Variants in C12orf42 observed in about 807,000 individuals in gnomAD.
C12orf42 encodes uncharacterized protein C12orf42.
Under a neutral mutation model 21.6 loss-of-function variants are expected in C12orf42, and 25 were observed. That is an observed-to-expected ratio of 1.16 (90% CI 0.84 to 1.62). The LOEUF is 1.62. C12orf42 is among the 40% of genes most tolerant of loss of function. The pLI is 0.00. For synonymous variants in C12orf42, 174 were observed against 175.0 expected (o/e 0.99, Z 0.05); for missense variants, 483 against 459.3 (o/e 1.05, Z -0.47).
chr12:103,112,852 A>C, the C12orf42 span, among the ~76,000 whole-genome samples: 1 of 152,088 alleles, frequency 6.6e-6, no homozygotes, highest in Non-Finnish European at 1.5e-5. Flanking sequence ...ATCCCATAGC[A>C]TTCACTGCAT....
At position 103,478,271 on chromosome 12, in the gene C12orf42, A is replaced by T. The variant is rs180897436; in HGVS notation, c.78+78T>A. Reference sequence around the variant, plus strand: ...TAATATCAATGACACTGAATCAAGAATCACAATTAGTGGCTGAAATGGAGC... The same window carrying T: ...TAATATCAATGACACTGAATCAAGATTCACAATTAGTGGCTGAAATGGAGC... On this transcript the variant is annotated intron_variant, in intron 2 of 5. Coordinates refer to ENST00000548883, the MANE Select transcript of C12orf42 (RefSeq NM_198521.5). 6.8e-6 allele frequency: 6 copies of T among 881,780 alleles called. No homozygotes were observed. The East Asian group carries it at 1.6e-4, about 24-fold the overall frequency. The allele number at this position is 881,780 out of a possible 1,614,324, so 54.6% of individuals were successfully genotyped here. A position where few individuals can be genotyped will look rare whatever the true frequency, so the allele number is the denominator to read the frequency against.
chr12:103,522,869 G>A, the C12orf42 span, among the ~76,000 whole-genome samples: 5 of 152,336 alleles, frequency 3.3e-5, no homozygotes, highest in East Asian at 9.6e-4. Flanking sequence ...AAATTACACA[G>A]GGGAGCCAAA....
At chr12:103,109,164 G>T in the C12orf42 span, among the ~76,000 whole-genome samples, 1 of 152,060 alleles carries the variant, frequency 6.6e-6, no homozygotes, top group African/African-American at 2.4e-5. Context: ...GAATTAGGAG[G>T]GGAAATTTTC....
At chr12:103,358,915 A>G (rs1295763375) in intron 4 of C12orf42, among the ~76,000 whole-genome samples, 2 of 152,092 alleles carry the variant, frequency 1.3e-5, no homozygotes, top group Non-Finnish European at 2.9e-5. Flanking sequence ...AATCTTGAAT[A>G]ATCTCCCACT....
chr12:103,143,246 G>C, the C12orf42 span, among the ~76,000 whole-genome samples: 1 of 152,216 alleles, frequency 6.6e-6, no homozygotes, highest in Admixed American at 6.5e-5. Context: ...CCTGACCCAT[G>C]AAAGGAGGCG....
chr12:103,303,121 T>TCA (rs1314818631), intron 5 of C12orf42, among the ~76,000 whole-genome samples: 2 of 152,148 alleles, frequency 1.3e-5, no homozygotes, highest in African/African-American at 4.8e-5. Context: ...TGGGTCTACA[T>TCA]CACACACACA....
intron 4 of C12orf42, among the ~76,000 whole-genome samples, chr12:103,364,960 A>C (rs1436853204): frequency 1.3e-5 from 2 of 152,086 alleles, no homozygotes; most frequent in Non-Finnish European, 2.9e-5. Flanking sequence ...GAAAGAGGGA[A>C]TCCTCCCTAA....
At chr12:103,430,365 C>T (rs1435225985) in intron 2 of C12orf42, among the ~76,000 whole-genome samples, 1 of 152,170 alleles carries the variant, frequency 6.6e-6, no homozygotes, top group Admixed American at 6.5e-5. Context: ...TGAAGAAAAG[C>T]TCATCATCAT....
chr12:103,553,123 C>G, the C12orf42 span, among the ~76,000 whole-genome samples: 1 of 152,102 alleles, frequency 6.6e-6, no homozygotes, highest in South Asian at 2.1e-4. Flanking sequence ...GGGGGCTGTC[C>G]TGTGCATTGC....
At chr12:103,294,622 A>AAG (rs377621259) in intron 4 of C12orf42, among the ~76,000 whole-genome samples, 5 of 139,490 alleles carry the variant, frequency 3.6e-5, no homozygotes, top group African/African-American at 6.1e-5. Context: ...GAAAGAAAGA[A>AAG]AGAAAGAAAG....
intron 2 of C12orf42, among the ~76,000 whole-genome samples, chr12:103,433,558 T>C (rs1950426425): frequency 6.6e-6 from 1 of 152,180 alleles, no homozygotes; most frequent in South Asian, 2.1e-4. Context: ...TACCCATTTG[T>C]AAAATGACAG....
At chr12:103,524,017 A>C in the C12orf42 span, among the ~76,000 whole-genome samples, 9 of 152,152 alleles carry the variant, frequency 5.9e-5, no homozygotes, top group Non-Finnish European at 7.3e-5. Flanking sequence ...GTCATTATCC[A>C]ACCCTTGCTC....
intron 4 of C12orf42, among the ~76,000 whole-genome samples, chr12:103,317,234 T>C (rs920724927): frequency 5.9e-5 from 9 of 152,230 alleles, no homozygotes; most frequent in African/African-American, 2.2e-4. Flanking sequence ...TAAGTATAAA[T>C]GTGCCTTTTC....
chr12:103,255,061 C>G (rs1234662193), intron 10 of C12orf42, among the ~76,000 whole-genome samples: 2 of 151,990 alleles, frequency 1.3e-5, no homozygotes, highest in Admixed American at 6.6e-5. Flanking sequence ...TTTCTGTTCT[C>G]CTACTAATTT....
At chr12:103,048,452 G>A in the C12orf42 span, among the ~76,000 whole-genome samples, 6 of 152,082 alleles carry the variant, frequency 3.9e-5, no homozygotes, top group Admixed American at 6.6e-5. Context: ...CCCCATCCAC[G>A]CATGCACATA....
At chr12:103,517,718 T>C in the C12orf42 span, among the ~76,000 whole-genome samples, 1 of 152,188 alleles carries the variant, frequency 6.6e-6, no homozygotes, top group Non-Finnish European at 1.5e-5. Flanking sequence ...TTTCTCAAAC[T>C]GGATTGTATG....
intron 3 of C12orf42, among the ~76,000 whole-genome samples, chr12:103,382,044 A>G (rs1174351524): frequency 6.6e-6 from 1 of 152,248 alleles, no homozygotes; most frequent in Non-Finnish European, 1.5e-5. Context: ...AGAGAATTTT[A>G]GAGAATTTAG....
the C12orf42 span, among the ~76,000 whole-genome samples, chr12:103,102,808 C>T: frequency 4.6e-5 from 7 of 152,074 alleles, no homozygotes; most frequent in Non-Finnish European, 8.8e-5. Flanking sequence ...GATGTATTCA[C>T]GATGATAGTT....
the C12orf42 span, among the ~76,000 whole-genome samples, chr12:103,186,824 T>C: frequency 4.6e-5 from 7 of 152,170 alleles, no homozygotes; most frequent in African/African-American, 1.4e-4. Context: ...GTAGGAAAGA[T>C]GCATCCTATT....
Sources: gnomAD v4.1 joint callset for allele counts (sites outside exome capture counted in the v4.1 genomes callset) on GRCh38, gnomAD v4.1.1 for gene constraint, MANE v1.5 for transcripts, NCBI Gene and HGNC (gene_info 2026-07-23, HGNC 2026-07-21) for gene names.